The following GRAP2 variants were observed in gnomAD, a reference collection of about 807,000 sequenced individuals.
GRAP2 encodes the protein GRB2 related adaptor protein 2.
In GRAP2, 31 loss-of-function variants were observed where a neutral mutation model predicts 43.5. The observed-to-expected ratio is 0.71, with a 90% CI of 0.54 to 0.96. The LOEUF is 0.96. Ranked by LOEUF, GRAP2 falls within the 40% of genes least tolerant of loss-of-function variation. The pLI, the probability that GRAP2 is intolerant of heterozygous loss-of-function variation, is 0.00. For missense variants in GRAP2, 371 were observed against 424.4 expected (o/e 0.87, Z 1.11); for synonymous variants, 156 against 164.8 (o/e 0.95, Z 0.41).
chr22:39,963,173 A>G (rs1287796709), intron 4 of GRAP2, among the ~76,000 whole-genome samples: 1 of 152,184 alleles, frequency 6.6e-6, no homozygotes, highest in East Asian at 1.9e-4. Context: ...TACATCTGTC[A>G]TGGGCACAGA....
intron 3 of GRAP2, among the ~76,000 whole-genome samples, chr22:39,956,636 C>CTTTTTTTTTTTTTTTTTTTTTTT: frequency 1.3e-5 from 2 of 151,050 alleles, no homozygotes; most frequent in East Asian, 4.1e-4. Context: ...ACCCAGCTAA[C>CTTTTTTTTTTTTTTTTTTTTTTT]TTTTGTATTT....
chr22:39,933,538 C>G (rs1279470128), intron 1 of GRAP2, among the ~76,000 whole-genome samples: 1 of 151,880 alleles, frequency 6.6e-6, no homozygotes, highest in Admixed American at 6.6e-5. Flanking sequence ...AAAAAATGAC[C>G]CTCAGAAAGT....
chr22:39,962,956 A>C (rs1298120358), intron 4 of GRAP2, among the ~76,000 whole-genome samples: 1 of 152,112 alleles, frequency 6.6e-6, no homozygotes, highest in Non-Finnish European at 1.5e-5. Context: ...GGCGCGACCC[A>C]CTGTGCCCGG....
intron 4 of GRAP2, chr22:39,960,895 G>T (rs144840312): frequency 3.6e-4 from 54 of 151,354 alleles, no homozygotes; most frequent in African/African-American, 1.2e-3. Context: ...GACAAAGGGG[G>T]TTTGATCTAA....
chr22:39,907,756 T>C (rs2066533220), intron 1 of GRAP2, among the ~76,000 whole-genome samples: 1 of 152,028 alleles, frequency 6.6e-6, no homozygotes, highest in South Asian at 2.1e-4. Context: ...AATAAATAAG[T>C]AAATAAAAAG....
At chr22:39,922,436 C>A (rs756535548) in intron 1 of GRAP2, among the ~76,000 whole-genome samples, 1 of 152,164 alleles carries the variant, frequency 6.6e-6, no homozygotes, top group Non-Finnish European at 1.5e-5. Context: ...ACCTTACATG[C>A]CTTACATGGG....
At chr22:39,913,192 CAAAAA>C (rs397868164) in intron 1 of GRAP2, among the ~76,000 whole-genome samples, 1 of 62,374 alleles carries the variant, frequency 1.6e-5, no homozygotes. Context: ...GACTCCATCT[CAAAAA>C]AAAAAAAAAA....
the GRAP2 span, among the ~76,000 whole-genome samples, chr22:39,894,404 CTG>C: frequency 9.1e-6 from 1 of 109,450 alleles, no homozygotes; most frequent in African/African-American, 3.8e-5. Flanking sequence ...ACATCACACT[CTG>C]GGGACTGTTG....
In GRAP2 at chr22:39,942,875, C is replaced by G. The variant is rs925986873; in HGVS notation, c.-14-4218C>G. Among the ~76,000 whole-genome samples, 3 of 152,150 alleles carry G rather than the reference C, an allele frequency of 2.0e-5. No homozygotes were observed. The East Asian group carries it at 5.8e-4, about 29-fold the overall frequency. On this transcript the variant is annotated intron_variant, in intron 1 of 7. Coordinates refer to ENST00000344138, the MANE Select transcript of GRAP2 (RefSeq NM_004810.4). ...AATTCTTGTAAAAAGCAATGTTTCC[C>G]TCTCTTTTTAAAAAATTTCAAGACA...
chr22:39,962,380 G>T (rs544315671), intron 4 of GRAP2, among the ~76,000 whole-genome samples: 1 of 151,964 alleles, frequency 6.6e-6, no homozygotes, highest in African/African-American at 2.4e-5. Context: ...AAGATCGATC[G>T]CACCACTGCA....
chr22:39,946,317 C>A (rs962164019), intron 1 of GRAP2, among the ~76,000 whole-genome samples: 6 of 152,170 alleles, frequency 3.9e-5, no homozygotes, highest in African/African-American at 7.2e-5. Flanking sequence ...AGCTGTCTTA[C>A]CATTACATCC....
intron 2 of GRAP2, among the ~76,000 whole-genome samples, chr22:39,948,718 A>G (rs1481062096): frequency 3.3e-5 from 5 of 152,020 alleles, no homozygotes; most frequent in African/African-American, 1.2e-4. Flanking sequence ...TTCACCAGTG[A>G]TCTCCTTAAT....
intron 2 of GRAP2, among the ~76,000 whole-genome samples, chr22:39,952,074 T>C (rs989659703): frequency 1.3e-5 from 2 of 150,592 alleles, no homozygotes; most frequent in African/African-American, 4.9e-5. Context: ...TTGCCCAGGC[T>C]GGAGTGCAAT....
intron 1 of GRAP2, among the ~76,000 whole-genome samples, chr22:39,938,200 A>C (rs1463534199): frequency 1.3e-5 from 2 of 152,170 alleles, no homozygotes; most frequent in African/African-American, 2.4e-5. Flanking sequence ...CAAAACCCAA[A>C]AAACCTTAAG....
At chr22:39,920,741 T>A (rs2066641973) in intron 1 of GRAP2, among the ~76,000 whole-genome samples, 1 of 151,658 alleles carries the variant, frequency 6.6e-6, no homozygotes, top group African/African-American at 2.4e-5. Flanking sequence ...ACTCTGGAGG[T>A]AAAGTCATAA....
chr22:39,936,566 G>A (rs943881847), intron 1 of GRAP2, among the ~76,000 whole-genome samples: 3 of 152,172 alleles, frequency 2.0e-5, no homozygotes, highest in African/African-American at 7.2e-5. Context: ...TTCATGGTAA[G>A]TTATTAATGT....
At chr22:39,924,956 G>A (rs1159242320) in intron 1 of GRAP2, among the ~76,000 whole-genome samples, 2 of 152,182 alleles carry the variant, frequency 1.3e-5, no homozygotes, top group Non-Finnish European at 2.9e-5. Flanking sequence ...TAAAGGAGAT[G>A]GACTTGAATT....
Position 39,951,898 on chromosome 22 carries a change from G to A in GRAP2, c.79-3921G>A, listed in dbSNP as rs947953035. 5.7e-4 allele frequency among the ~76,000 whole-genome samples: 86 copies of A among 152,128 alleles called. 1 individual carries two copies. Among genetic ancestry groups the A allele is most frequent in the Admixed American group, 5.6e-3 (86 of 15,262 alleles). On this transcript the variant is annotated intron_variant, in intron 2 of 7. Coordinates refer to ENST00000344138, the MANE Select transcript of GRAP2 (RefSeq NM_004810.4). ...CAGTGTTAGGCAGACCAAGCACCAG[G>A]TGGCGGAGAGAAATGGCTGGCATTG...
the GRAP2 span, among the ~76,000 whole-genome samples, chr22:39,894,335 C>T: frequency 7.0e-6 from 1 of 143,228 alleles, no homozygotes; most frequent in African/African-American, 2.6e-5. Context: ...CCAAACACCG[C>T]ATATTCTCAC....
Sources: allele counts gnomAD v4.1 joint callset (sites outside exome capture counted in the v4.1 genomes callset), GRCh38; gene constraint gnomAD v4.1.1; transcripts MANE v1.5; gene names NCBI Gene and HGNC (gene_info 2026-07-23, HGNC 2026-07-21).